The following TTC7A variants were observed in gnomAD, a reference collection of about 807,000 sequenced individuals.
TTC7A encodes tetratricopeptide repeat protein 7A.
In TTC7A, 110 loss-of-function variants were observed where a neutral mutation model predicts 103.7. That is an observed-to-expected ratio of 1.06 (90% CI 0.91 to 1.24). TTC7A has a LOEUF of 1.24. TTC7A is among the 50% of genes most tolerant of loss of function. The pLI is 0.00. For missense variants in TTC7A, 1,340 were observed against 1,116.3 expected (o/e 1.20, Z -2.86); for synonymous variants, 521 against 467.9 (o/e 1.11, Z -1.47).
In TTC7A at chr2:46,975,046, C is replaced by G. The variant is rs1673737073; in HGVS notation, c.591C>G (p.Ile197Met). The change falls in exon 4 of 20, where the codon ATC becomes ATG. Residue 197 changes from isoleucine (I) to methionine (M), a missense_variant. Physicochemically the swap from Ile to Met is conservative, Grantham distance 10. Transcript: ENST00000319190. ...TGACAGAGAGGGAGGAGGAAGTGAT[C>G]ACCTGTTTTGAGAGGGCCTCCTGGA... is the stretch of plus-strand genomic sequence containing the variant. Reference protein sequence around the residue: ...FRLTEREEEVITCFERASWIA... With the variant: ...FRLTEREEEVMTCFERASWIA... 13 of 1,614,026 alleles carry G rather than the reference C, an allele frequency of 8.1e-6. No homozygotes were observed. Among genetic ancestry groups the G allele is most frequent in the Non-Finnish European group, 9.3e-6 (11 of 1,179,952 alleles).
At position 47,024,270 on chromosome 2, in the gene TTC7A, T is replaced by G; in HGVS notation, c.1569-17T>G. On this transcript the variant is annotated splice_polypyrimidine_tract_variant and intron_variant, in intron 13 of 19. Transcript: ENST00000319190. The stretch of plus-strand genomic sequence containing the variant: ...CAACCCCTGGTGCCTGACTTGTCAC[T>G]CCCTCTCCCCACACAGGGCTCAGCA... The G allele has an allele frequency of 6.3e-7, 1 of 1,582,834 alleles. No individual in the cohort carries two copies. Among genetic ancestry groups the G allele is most frequent in the Non-Finnish European group, 8.6e-7 (1 of 1,163,110 alleles).
At chr2:46,952,421 G>A (rs1377967030) in intron 2 of TTC7A, among the ~76,000 whole-genome samples, 1 of 152,218 alleles carries the variant, frequency 6.6e-6, no homozygotes, top group South Asian at 2.1e-4. Context: ...CAGCCTTATT[G>A]TAAAAATTCC....
chr2:47,000,615 A>G (rs1273949356), intron 8 of TTC7A, among the ~76,000 whole-genome samples: 1 of 152,132 alleles, frequency 6.6e-6, no homozygotes, highest in African/African-American at 2.4e-5. Flanking sequence ...AGTGGTAATT[A>G]TGTCTGCTGG....
intron 2 of TTC7A, among the ~76,000 whole-genome samples, chr2:46,928,385 G>C (rs2103830153): frequency 6.6e-6 from 1 of 150,974 alleles, no homozygotes; most frequent in South Asian, 2.1e-4. Context: ...ACTGAAATCA[G>C]GGTGTTAACT....
At chr2:47,010,200 G>C (rs1006795526) in intron 10 of TTC7A, among the ~76,000 whole-genome samples, 1 of 152,038 alleles carries the variant, frequency 6.6e-6, no homozygotes, top group Non-Finnish European at 1.5e-5. Flanking sequence ...TTCTGTAAAG[G>C]GTCAGATAGT....
intron 8 of TTC7A, among the ~76,000 whole-genome samples, chr2:46,996,947 C>A (rs763855397): frequency 1.3e-5 from 2 of 151,334 alleles, no homozygotes; most frequent in Non-Finnish European, 2.9e-5. Flanking sequence ...TCTGGAAACA[C>A]AGAGTTTTTT....
chr2:47,024,085 C>T (rs1020788585), intron 13 of TTC7A, among the ~76,000 whole-genome samples: 5 of 152,202 alleles, frequency 3.3e-5, no homozygotes, highest in Non-Finnish European at 7.3e-5. Flanking sequence ...TCAGGCCCAC[C>T]GTCCCTGCCT....
At chr2:47,038,314 A>G (rs970016902) in intron 15 of TTC7A, among the ~76,000 whole-genome samples, 1 of 151,642 alleles carries the variant, frequency 6.6e-6, no homozygotes. Context: ...GCCCAAGGTC[A>G]CATGGCTACA....
chr2:46,950,271 A>G, intron 1 of TTC7A, 92 bp from the exon 2 acceptor site: 6 of 1,330,940 alleles, frequency 4.5e-6, no homozygotes, highest in Non-Finnish European at 6.3e-6. Context: ...TGTACTGGGT[A>G]TGGGTGGTTG....
chr2:47,001,312 G>T (rs1418950013), intron 8 of TTC7A, among the ~76,000 whole-genome samples: 2 of 152,152 alleles, frequency 1.3e-5, no homozygotes, highest in Non-Finnish European at 2.9e-5. Flanking sequence ...TATCTTACTA[G>T]GTTGGAAAAA....
intron 14 of TTC7A, among the ~76,000 whole-genome samples, chr2:47,026,020 A>C (rs1375340766): frequency 1.3e-5 from 2 of 152,356 alleles, no homozygotes; most frequent in East Asian, 3.9e-4. Flanking sequence ...TCTCTGATGA[A>C]TAGCATCCAT....
chr2:46,959,383 A>G (rs1457018071), intron 3 of TTC7A, among the ~76,000 whole-genome samples: 1 of 152,148 alleles, frequency 6.6e-6, no homozygotes, highest in Non-Finnish European at 1.5e-5. Flanking sequence ...CATTTTTCAC[A>G]GGAGTCTGCT....
At chr2:47,043,290 C>T (rs1681962190) in intron 15 of TTC7A, among the ~76,000 whole-genome samples, 1 of 152,140 alleles carries the variant, frequency 6.6e-6, no homozygotes, top group African/African-American at 2.4e-5. Flanking sequence ...CACAGATAAC[C>T]ACATCCTGAC....
chr2:46,948,812 C>T (rs1211504920), intron 1 of TTC7A, among the ~76,000 whole-genome samples: 1 of 152,152 alleles, frequency 6.6e-6, no homozygotes, highest in African/African-American at 2.4e-5. Flanking sequence ...ACTGTGGTAT[C>T]CTGAGAGTGA....
intron 2 of TTC7A, among the ~76,000 whole-genome samples, chr2:46,935,705 C>T (rs1669944423): frequency 6.6e-6 from 1 of 152,228 alleles, no homozygotes; most frequent in South Asian, 2.1e-4. Flanking sequence ...GGGTGATCCT[C>T]TGAGGCTCTT....
upstream of TTC7A, among the ~76,000 whole-genome samples, chr2:46,940,045 A>C (rs1289190013): frequency 6.6e-6 from 1 of 152,056 alleles, no homozygotes; most frequent in African/African-American, 2.4e-5. The surrounding 1 kb of genome is among the most constrained non-coding windows in gnomAD (Gnocchi z 4.7). Context: ...GGGCCTCCAC[A>C]TGGGAGTCGG....
chr2:47,026,617 C>T (rs1044371780), intron 14 of TTC7A, among the ~76,000 whole-genome samples: 4 of 152,184 alleles, frequency 2.6e-5, no homozygotes, highest in African/African-American at 9.7e-5. Flanking sequence ...CAGGAGCTAA[C>T]GCAGCTCCCA....
chr2:46,999,744 C>G (rs1337071258), intron 8 of TTC7A: 1 of 985,322 alleles, frequency 1.0e-6, no homozygotes, highest in African/African-American at 1.7e-5. Context: ...AGGAATCTTT[C>G]TTATTTCTGA....
chr2:46,954,041 C>T (rs902905008), intron 2 of TTC7A, among the ~76,000 whole-genome samples: 1 of 152,158 alleles, frequency 6.6e-6, no homozygotes, highest in African/African-American at 2.4e-5. Context: ...CTAATGCTGT[C>T]TCTCATTTCT....
Sources: gnomAD v4.1 joint callset for allele counts (sites outside exome capture counted in the v4.1 genomes callset) on GRCh38, gnomAD v4.1.1 for gene constraint, Gnocchi (gnomAD v3.1) non-coding constraint, MANE v1.5 for transcripts, NCBI Gene and HGNC (gene_info 2026-07-23, HGNC 2026-07-21) for gene names.